PRELID2: variants seen among roughly 807,000 people sequenced by gnomAD.
The protein encoded by PRELID2 is PRELI domain-containing protein 2.
Under a neutral mutation model 28.4 loss-of-function variants are expected in PRELID2, and 25 were observed. The ratio of observed to expected loss-of-function variants is 0.88; its 90% CI spans 0.64 to 1.23. The LOEUF (loss-of-function observed/expected upper bound fraction) is 1.23. PRELID2 is among the 50% of genes most tolerant of loss of function. The probability of loss-of-function intolerance (pLI) is 0.00; values close to 1 mark genes in which losing one functional copy is unlikely to be tolerated. For missense variants in PRELID2, 201 were observed against 214.4 expected, an observed-to-expected ratio of 0.94 and a Z score of 0.39; for synonymous variants, 76 against 71.6, an observed-to-expected ratio of 1.06 and a Z score of -0.31.
At chr5:145,441,481 G>C in the PRELID2 span, among the ~76,000 whole-genome samples, 2 of 152,070 alleles carry the variant, frequency 1.3e-5, no homozygotes, top group Non-Finnish European at 2.9e-5. Flanking sequence ...TACAAACTGA[G>C]TGATTGTTTT....
intron 1 of PRELID2, among the ~76,000 whole-genome samples, chr5:145,644,433 A>ATT (rs1754162744): frequency 6.7e-6 from 1 of 149,570 alleles, no homozygotes; most frequent in Non-Finnish European, 1.5e-5. Flanking sequence ...CTAGCAGTTT[A>ATT]TCTATTTTGT....
the PRELID2 span, among the ~76,000 whole-genome samples, chr5:145,322,684 T>C: frequency 6.6e-6 from 1 of 152,274 alleles, no homozygotes; most frequent in South Asian, 2.1e-4. Context: ...ATAATAGAGA[T>C]AAACATGTTC....
At chr5:145,296,827 A>G in the PRELID2 span, among the ~76,000 whole-genome samples, 4 of 152,042 alleles carry the variant, frequency 2.6e-5, no homozygotes, top group East Asian at 1.9e-4. Flanking sequence ...AAGTGTTCCT[A>G]TTTCTCCACA....
chr5:145,391,481 T>C, the PRELID2 span, among the ~76,000 whole-genome samples: 1 of 152,176 alleles, frequency 6.6e-6, no homozygotes, highest in Non-Finnish European at 1.5e-5. Context: ...CAAGGCTGCA[T>C]AGAGCAGAAG....
At chr5:145,771,850 C>T (rs967004151) in intron 5 of PRELID2, among the ~76,000 whole-genome samples, 2 of 151,356 alleles carry the variant, frequency 1.3e-5, no homozygotes, top group Non-Finnish European at 2.9e-5. Context: ...AGCAAGACTC[C>T]ATCTCAAAAA....
chr5:145,686,099 T>C (rs1185411737), intron 1 of PRELID2, among the ~76,000 whole-genome samples: 2 of 152,180 alleles, frequency 1.3e-5, no homozygotes, highest in African/African-American at 4.8e-5. Context: ...GGTAAAAGTG[T>C]CTGTTACAGA....
the PRELID2 span, among the ~76,000 whole-genome samples, chr5:145,328,039 G>C: frequency 6.6e-6 from 1 of 152,026 alleles, no homozygotes; most frequent in Non-Finnish European, 1.5e-5. Context: ...GTGGTGTTTG[G>C]TTTTCTGTTC....
intron 1 of PRELID2, among the ~76,000 whole-genome samples, chr5:145,480,193 C>T (rs758154676): frequency 4.6e-5 from 7 of 151,972 alleles, no homozygotes; most frequent in Admixed American, 6.6e-5. Context: ...TGTCATAAGC[C>T]GCTTCTCTTA....
At chr5:145,828,598 T>A (rs1755361411) in intron 1 of PRELID2, among the ~76,000 whole-genome samples, 1 of 152,176 alleles carries the variant, frequency 6.6e-6, no homozygotes, top group Admixed American at 6.5e-5. Context: ...ACCAGAGAAG[T>A]AAGAGTGCTG....
chr5:145,247,547 A>G, the PRELID2 span, among the ~76,000 whole-genome samples: 2 of 152,166 alleles, frequency 1.3e-5, no homozygotes, highest in African/African-American at 4.8e-5. Flanking sequence ...CTTCTGTCCT[A>G]CATTACTCAA....
chr5:145,564,003 T>C (rs6893638), intron 1 of PRELID2, among the ~76,000 whole-genome samples: 17,188 of 152,226 alleles, frequency 0.11, 1,038 homozygotes, highest in Middle Eastern at 0.18. Flanking sequence ...ACTATGCATA[T>C]GTACGTCAAA....
rs1398582044 is a variant in PRELID2, at chr5:145,577,323, C to A, written n.71-104008G>T. On this transcript the variant is annotated intron_variant and non_coding_transcript_variant, in intron 1 of 2. Transcript: ENST00000510259. ...AAACAACTGTTTTAAGTAAGCTCAG[C>A]AAACTGCAATAAAATACACAGAAAC... 2.0e-5 allele frequency among the ~76,000 whole-genome samples: 3 copies of A among 151,958 alleles called. No individual in the cohort carries two copies. In the East Asian group the frequency reaches 5.8e-4, roughly 29 times the overall value.
chr5:145,520,264 A>T (rs528946483), intron 1 of PRELID2, among the ~76,000 whole-genome samples: 8 of 152,346 alleles, frequency 5.3e-5, no homozygotes, highest in Non-Finnish European at 1.0e-4. Flanking sequence ...TGACTTCAAT[A>T]GCAGCCATTC....
chr5:145,269,163 T>C, the PRELID2 span, among the ~76,000 whole-genome samples: 1 of 152,108 alleles, frequency 6.6e-6, no homozygotes, highest in African/African-American at 2.4e-5. Flanking sequence ...TTTATAGATA[T>C]TACAAGCTGA....
At chr5:145,351,448 C>T in the PRELID2 span, among the ~76,000 whole-genome samples, 1 of 152,126 alleles carries the variant, frequency 6.6e-6, no homozygotes, top group Non-Finnish European at 1.5e-5. Flanking sequence ...AACTCACTCA[C>T]TATCACAAGA....
At chr5:145,772,366 C>A (rs149522857) in intron 5 of PRELID2, among the ~76,000 whole-genome samples, 1 of 152,120 alleles carries the variant, frequency 6.6e-6, no homozygotes, top group Non-Finnish European at 1.5e-5. Context: ...AAAGTGAAAA[C>A]CCCCGACACA....
intron 1 of PRELID2, among the ~76,000 whole-genome samples, chr5:145,734,212 C>T (rs756485955): frequency 1.3e-4 from 20 of 152,108 alleles, no homozygotes; most frequent in Non-Finnish European, 2.1e-4. Flanking sequence ...AACTCCTAGG[C>T]TGAAGCAATC....
chr5:145,767,628 T>C (rs2149775413), intron 5 of PRELID2, among the ~76,000 whole-genome samples: 1 of 152,258 alleles, frequency 6.6e-6, no homozygotes, highest in Non-Finnish European at 1.5e-5. Context: ...CTACTGGTTG[T>C]CCAAAAGCAC....
At chr5:145,543,144 C>G (rs1752758834) in intron 1 of PRELID2, among the ~76,000 whole-genome samples, 1 of 152,042 alleles carries the variant, frequency 6.6e-6, no homozygotes, top group East Asian at 1.9e-4. Flanking sequence ...CAACATGTAT[C>G]CCATTTGAAA....
Sources: gnomAD v4.1 joint callset for allele counts (sites outside exome capture counted in the v4.1 genomes callset) on GRCh38, gnomAD v4.1.1 for gene constraint, MANE v1.5 for transcripts, NCBI Gene and HGNC (gene_info 2026-07-23, HGNC 2026-07-21) for gene names.